Variants in SCEL observed in about 807,000 individuals in gnomAD.
SCEL encodes the protein sciellin.
SCEL carries 113 observed loss-of-function variants against 117.6 expected under a neutral mutation model. That is an observed-to-expected ratio of 0.96 (90% CI 0.83 to 1.12). The LOEUF is 1.12. SCEL is among the 50% of genes most tolerant of loss of function. SCEL has a pLI of 0.00. For synonymous variants in SCEL, 270 were observed against 256.2 expected (o/e 1.05, Z -0.51); for missense variants, 785 against 810.8 (o/e 0.97, Z 0.39).
chr13:77,631,004 G>C (rs970171185), intron 28 of SCEL, among the ~76,000 whole-genome samples: 2 of 152,160 alleles, frequency 1.3e-5, no homozygotes, highest in Non-Finnish European at 2.9e-5. Context: ...AGAATCACCT[G>C]CTATTCTAGG....
At chr13:77,593,644 T>TA in intron 12 of SCEL, 71 bp downstream of exon 12, 1 of 1,099,010 alleles carries the variant, frequency 9.1e-7, no homozygotes. Context: ...ACCACACCTT[T>TA]AAAAGTTCCA....
At chr13:77,631,605 A>G (rs1350077269) in intron 28 of SCEL, among the ~76,000 whole-genome samples, 1 of 152,136 alleles carries the variant, frequency 6.6e-6, no homozygotes, top group Non-Finnish European at 1.5e-5. Flanking sequence ...CATCTTTGGA[A>G]TTTTTCTGTA....
intron 9 of SCEL, among the ~76,000 whole-genome samples, chr13:77,585,613 C>T (rs967089633): frequency 6.6e-6 from 1 of 152,126 alleles, no homozygotes; most frequent in African/African-American, 2.4e-5. Flanking sequence ...CCCACGGCCT[C>T]ACCACCACTC....
At chr13:77,591,575 A>G (rs1055072276) in intron 11 of SCEL, 115 bp downstream of exon 11, 18 of 633,140 alleles carry the variant, frequency 2.8e-5, no homozygotes, top group African/African-American at 2.6e-4. Context: ...CAGTTTTCCA[A>G]CTGACTCCAA....
chr13:77,557,174 C>G (rs1443599037), intron 3 of SCEL, among the ~76,000 whole-genome samples: 2 of 152,134 alleles, frequency 1.3e-5, no homozygotes, highest in Non-Finnish European at 2.9e-5. Context: ...TATTTTAGTT[C>G]CATCTACTTC....
intron 10 of SCEL, among the ~76,000 whole-genome samples, chr13:77,589,782 A>C (rs9600896): frequency 6.6e-6 from 1 of 151,866 alleles, no homozygotes; most frequent in African/African-American, 2.4e-5. Context: ...ATTTTGAAAG[A>C]TGTTCTAATT....
At position 77,568,351 on chromosome 13, in the gene SCEL, T is replaced by C. The variant is rs377496529; in HGVS notation, c.398+18T>C. ...ACAAAGTTGTATGTATTCTTTCTAA[T>C]TGTAGTATATTTCTTTTTATGTATT... On this transcript the variant is annotated intron_variant, in intron 7 of 32. Transcript: ENST00000349847. The C allele has an allele frequency of 3.1e-4, 456 of 1,458,830 alleles. 1 individual carries two copies. The highest frequency in any genetic ancestry group is 4.1e-4 in the Non-Finnish European group (428 of 1,048,778). 90.4% of individuals were successfully genotyped at this position (1,458,830 alleles called of 1,614,324 possible).
chr13:77,551,503 G>A (rs765568917), intron 1 of SCEL, among the ~76,000 whole-genome samples: 2 of 152,144 alleles, frequency 1.3e-5, no homozygotes, highest in Non-Finnish European at 2.9e-5. Context: ...AGTTGTGGGG[G>A]CTGGGCAGAT....
intron 1 of SCEL, among the ~76,000 whole-genome samples, chr13:77,537,607 C>T (rs1297540939): frequency 6.6e-6 from 1 of 152,150 alleles, no homozygotes; most frequent in Non-Finnish European, 1.5e-5. Flanking sequence ...AGCCCCTCAG[C>T]AGGGAGGGGA....
At position 77,571,939 on chromosome 13, in the gene SCEL, T is replaced by C. The variant is rs541765390; in HGVS notation, c.480-185T>C. 5.3e-5 allele frequency among the ~76,000 whole-genome samples: 8 copies of C among 152,322 alleles called. No homozygotes were observed. In the South Asian group the frequency reaches 6.2e-4, roughly 12 times the overall value. On this transcript the variant is annotated intron_variant, in intron 8 of 32. Transcript: ENST00000349847. ...AAAGGAAATGAGAAAAGAGGTTTAC[T>C]TGGAGGAACAGATAGCCTAGAATAT...
intron 28 of SCEL, among the ~76,000 whole-genome samples, chr13:77,631,251 C>G (rs1478142708): frequency 1.3e-5 from 2 of 152,202 alleles, no homozygotes; most frequent in Non-Finnish European, 2.9e-5. Context: ...CTCTCCAACT[C>G]TATTCCTATG....
chr13:77,626,155 A>G (rs2089721435), intron 27 of SCEL, among the ~76,000 whole-genome samples: 1 of 152,130 alleles, frequency 6.6e-6, no homozygotes. Context: ...AGGAGGAGCA[A>G]AAGTATGTCT....
chr13:77,586,933 T>G (rs2086598901), intron 9 of SCEL, among the ~76,000 whole-genome samples: 1 of 152,142 alleles, frequency 6.6e-6, no homozygotes, highest in Non-Finnish European at 1.5e-5. Context: ...ATTTCATTAG[T>G]TAATATATGT....
rs954825168 is a variant in SCEL at position 77,572,146 on chromosome 13, C to A, written c.502C>A (p.Pro168Thr). The change falls in exon 9 of 33, where the codon CCT (proline) becomes ACT (threonine). Residue 168 changes from proline (P) to threonine (T), a missense_variant. Pro to Thr is a conservative substitution (Grantham distance 38). Transcript: ENST00000349847. Reference sequence around the variant, plus strand: ...CAGGCAGTCCTGGTTTCCACCGCCCCCTCCAGGTTACAATGCCTCCTCGAG... The same window carrying A: ...CAGGCAGTCCTGGTTTCCACCGCCCACTCCAGGTTACAATGCCTCCTCGAG... ...KKRQSWFPPP[P>T]PGYNASSSTG... 1 of 1,612,820 alleles carries A rather than the reference C, an allele frequency of 6.2e-7. No homozygotes were observed. Among genetic ancestry groups the A allele is most frequent in the Admixed American group, 1.7e-5 (1 of 59,936 alleles).
intron 8 of SCEL, 129 bp from the exon 9 acceptor site, chr13:77,571,995 A>G (rs2085661044): frequency 1.4e-6 from 1 of 726,418 alleles, no homozygotes; most frequent in Non-Finnish European, 2.4e-6. Context: ...CATTTATGAA[A>G]TAGTGTTCAT....
intron 1 of SCEL, among the ~76,000 whole-genome samples, chr13:77,542,967 C>T (rs556963958): frequency 8.8e-4 from 134 of 152,266 alleles, no homozygotes; most frequent in Non-Finnish European, 1.4e-3. Flanking sequence ...TGTTACCGCA[C>T]CCTGAAACCC....
intron 31 of SCEL, among the ~76,000 whole-genome samples, 159 bp downstream of exon 31, chr13:77,640,943 C>A (rs1264592893): frequency 6.6e-6 from 1 of 152,084 alleles, no homozygotes; most frequent in South Asian, 2.1e-4. Context: ...GTTCTGCAGC[C>A]TAAACCTCAA....
At chr13:77,577,075 T>C (rs1027470644) in intron 9 of SCEL, among the ~76,000 whole-genome samples, 10 of 152,166 alleles carry the variant, frequency 6.6e-5, no homozygotes, top group African/African-American at 2.4e-4. Context: ...GATCATGTCA[T>C]CTGCAAACAA....
chr13:77,626,223 G>A (rs2154404865), intron 27 of SCEL, among the ~76,000 whole-genome samples: 1 of 152,230 alleles, frequency 6.6e-6, no homozygotes, highest in South Asian at 2.1e-4. Context: ...AAAACCATCA[G>A]ATCTCTTAGG....
Sources: gnomAD v4.1 joint callset for allele counts (sites outside exome capture counted in the v4.1 genomes callset) on GRCh38, gnomAD v4.1.1 for gene constraint, MANE v1.5 for transcripts, NCBI Gene and HGNC (gene_info 2026-07-23, HGNC 2026-07-21) for gene names.